PTS: variants seen among roughly 807,000 people sequenced by gnomAD.
The protein encoded by PTS is 6-pyruvoyl tetrahydrobiopterin synthase.
In PTS, 23 loss-of-function variants were observed where a neutral mutation model predicts 20.6. The observed-to-expected ratio is 1.12, with a 90% confidence interval of 0.80 to 1.58. The LOEUF (loss-of-function observed/expected upper bound fraction) is 1.58, where lower values mean the gene tolerates loss of function less well. PTS is among the 40% of genes most tolerant of loss of function. PTS has a pLI of 0.00. For missense variants in PTS, 186 were observed against 182.4 expected (o/e 1.02, Z -0.11); for synonymous variants, 65 against 62.5 (o/e 1.04, Z -0.19).
At chr11:112,230,414 T>C (rs1859915452) in intron 3 of PTS, 184 bp downstream of exon 3, 1 of 835,274 alleles carries the variant, frequency 1.2e-6, no homozygotes. Context: ...GTCTTTAATA[T>C]GCTGTATGTG....
intron 3 of PTS, 176 bp from the exon 4 acceptor site, chr11:112,230,450 A>C: frequency 1.3e-6 from 1 of 796,652 alleles, no homozygotes; most frequent in Non-Finnish European, 2.2e-6. Context: ...TATACAATGA[A>C]AAGGATGCTT....
chr11:112,228,444 A>G (rs372064576), intron 1 of PTS, 150 bp from the exon 2 acceptor site: 13 of 674,628 alleles, frequency 1.9e-5, no homozygotes, highest in African/African-American at 9.1e-5. Flanking sequence ...AATAAAATCA[A>G]CATGATTTCT....
intron 4 of PTS, among the ~76,000 whole-genome samples, chr11:112,231,314 T>C (rs1859928120): frequency 6.6e-6 from 1 of 152,204 alleles, no homozygotes; most frequent in African/African-American, 2.4e-5. Context: ...ACACACAAGG[T>C]GTTCAATGAA....
chr11:112,230,060 T>G, intron 2 of PTS, 148 bp from the exon 3 acceptor site: 1 of 812,264 alleles, frequency 1.2e-6, no homozygotes, highest in Non-Finnish European at 2.1e-6. Context: ...ATAACAGATG[T>G]TTTGGGGTAA....
Position 112,233,716 on chromosome 11 carries a change from T to A in PTS, c.*161T>A. On this transcript the variant is annotated 3_prime_UTR_variant, in exon 6 of 6. Transcript: ENST00000280362. Reference sequence around the variant, plus strand: ...ATCATTGTAAGACCTGTTATAAATTTAAGTCTATTTAAAACTAAACTTGTA... The same window carrying A: ...ATCATTGTAAGACCTGTTATAAATTAAAGTCTATTTAAAACTAAACTTGTA... 9.9e-7 allele frequency: 1 copy of A among 1,007,962 alleles called. No homozygotes were observed. The highest frequency in any genetic ancestry group is 1.3e-6 in the Non-Finnish European group (1 of 747,340). The allele number at this position is 1,007,962 out of a possible 1,614,324, so 62.4% of individuals were successfully genotyped here.
chr11:112,231,006 C>CT (rs1399308012), intron 4 of PTS, among the ~76,000 whole-genome samples: 1 of 151,078 alleles, frequency 6.6e-6, no homozygotes. Flanking sequence ...CTCCTTGAGA[C>CT]TTACTGTCTT....
At chr11:112,228,745 AG>A in intron 2 of PTS, 72 bp downstream of exon 2, 4 of 1,371,728 alleles carry the variant, frequency 2.9e-6, no homozygotes, top group Non-Finnish European at 4.1e-6. Flanking sequence ...GTAGACATAA[AG>A]AATGGGAAAA....
chr11:112,232,535 T>G (rs752073735), intron 4 of PTS, among the ~76,000 whole-genome samples: 10 of 152,180 alleles, frequency 6.6e-5, no homozygotes, highest in Non-Finnish European at 1.3e-4. Flanking sequence ...TTTTTTGCAA[T>G]AGCTAAAAGC....
intron 1 of PTS, among the ~76,000 whole-genome samples, chr11:112,226,990 A>G (rs1409531873): frequency 6.6e-6 from 1 of 150,514 alleles, no homozygotes; most frequent in Non-Finnish European, 1.5e-5. Context: ...ATGTAATTAC[A>G]AGGCAAATTT....
intron 4 of PTS, among the ~76,000 whole-genome samples, chr11:112,231,203 C>CT (rs954577090): frequency 6.6e-6 from 1 of 152,092 alleles, no homozygotes; most frequent in African/African-American, 2.4e-5. Flanking sequence ...TCTTCCCTCT[C>CT]TGAATATTCC....
intron 4 of PTS, 78 bp from the exon 5 acceptor site, chr11:112,233,085 T>C (rs1430010603): frequency 7.5e-7 from 1 of 1,325,586 alleles, no homozygotes; most frequent in Non-Finnish European, 1.1e-6. Context: ...AAGGTGAGGT[T>C]TAGAGGCATA....
chr11:112,226,655 C>G, intron 1 of PTS, 129 bp downstream of exon 1: 2 of 639,730 alleles, frequency 3.1e-6, no homozygotes, highest in South Asian at 5.2e-5. Context: ...GCGACGCGCG[C>G]TGGTCGGCTT....
intron 1 of PTS, chr11:112,228,350 G>T: frequency 1.8e-6 from 1 of 546,184 alleles, no homozygotes; most frequent in Non-Finnish European, 3.3e-6. Context: ...CAAGGGGGTT[G>T]AAGTTAAGGT....
At chr11:112,232,798 T>C (rs958347207) in intron 4 of PTS, among the ~76,000 whole-genome samples, 1 of 152,196 alleles carries the variant, frequency 6.6e-6, no homozygotes, top group Non-Finnish European at 1.5e-5. Context: ...CATTGTTCCG[T>C]AGGTGTGACA....
intron 1 of PTS, 24 bp downstream of exon 1, chr11:112,226,550 CGGCG>C: frequency 6.6e-7 from 1 of 1,519,454 alleles, no homozygotes; most frequent in Non-Finnish European, 8.8e-7. Flanking sequence ...ACAGGTACAG[CGGCG>C]GGCGGTGGGC....
At chr11:112,227,572 G>A (rs1291806446) in intron 1 of PTS, among the ~76,000 whole-genome samples, 1 of 152,150 alleles carries the variant, frequency 6.6e-6, no homozygotes, top group East Asian at 1.9e-4. Context: ...TTCTGTTGAG[G>A]CCTCAGGGAC....
At chr11:112,230,456 T>C in intron 3 of PTS, 170 bp from the exon 4 acceptor site, 1 of 794,820 alleles carries the variant, frequency 1.3e-6, no homozygotes, top group Non-Finnish European at 2.2e-6. Flanking sequence ...ATGAAAAGGA[T>C]GCTTGAAGTA....
chr11:112,229,863 A>C (rs908042120), intron 2 of PTS, among the ~76,000 whole-genome samples: 4 of 152,204 alleles, frequency 2.6e-5, no homozygotes, highest in African/African-American at 9.7e-5. Flanking sequence ...GGACACCTGA[A>C]AGACATTTTC....
chr11:112,230,249 T>C lies in PTS; in HGVS notation c.186+19T>C. ...TGGAGAGGTATGTGCAGAAAATATTTGTGTGGTTTTTGCAGATTGCTGGGC... is the reference window on the plus strand; with the variant it reads ...TGGAGAGGTATGTGCAGAAAATATTCGTGTGGTTTTTGCAGATTGCTGGGC... On this transcript the variant is annotated intron_variant, in intron 3 of 5. Transcript: ENST00000280362. The C allele has an allele frequency of 6.2e-7, 1 of 1,612,350 alleles. No individual in the cohort carries two copies. Among genetic ancestry groups the C allele is most frequent in the Non-Finnish European group, 8.5e-7 (1 of 1,178,328 alleles).
Sources: allele counts gnomAD v4.1 joint callset (sites outside exome capture counted in the v4.1 genomes callset), GRCh38; gene constraint gnomAD v4.1.1; transcripts MANE v1.5; gene names NCBI Gene and HGNC (gene_info 2026-07-23, HGNC 2026-07-21).